Variants in LRRC75A observed in about 807,000 individuals in gnomAD.
The protein encoded by LRRC75A is leucine rich repeat containing 75A.
Under a neutral mutation model 26.0 loss-of-function variants are expected in LRRC75A, and 12 were observed. The observed-to-expected ratio is 0.46, with a 90% CI of 0.30 to 0.75. The LOEUF is 0.75. LRRC75A is among the 30% of genes least tolerant of loss of function. The pLI is 0.08. For synonymous variants in LRRC75A, 223 were observed against 219.3 expected, an observed-to-expected ratio of 1.02 and a Z score of -0.15; for missense variants, 410 against 486.6, an observed-to-expected ratio of 0.84 and a Z score of 1.48.
chr17:16,452,084 G>A (rs1601098794), intron 2 of LRRC75A, among the ~76,000 whole-genome samples: 1 of 150,732 alleles, frequency 6.6e-6, no homozygotes, highest in Non-Finnish European at 1.5e-5. Flanking sequence ...AGGTGCTGTG[G>A]CTCACTCTTG....
chr17:16,456,068 G>A (rs1322743464), intron 2 of LRRC75A, among the ~76,000 whole-genome samples: 4 of 146,134 alleles, frequency 2.7e-5, no homozygotes, highest in Non-Finnish European at 6.0e-5. Context: ...GGAGAAGGAG[G>A]AAGAGGAAGA....
In LRRC75A at chr17:16,468,353, C is replaced by T. The variant is rs528161588; in HGVS notation, c.247-5967G>A. Among the ~76,000 whole-genome samples, 8 of 152,262 alleles carry T rather than the reference C, an allele frequency of 5.3e-5. No homozygotes were observed. The East Asian group carries it at 5.8e-4, about 11-fold the overall frequency. ...GGGTACACGGAGTGTGGTCTAGCCA[C>T]GCAACGAAATATTATTCAGCCTTAA... On this transcript the variant is annotated intron_variant, in intron 1 of 3. Transcript: ENST00000470794.
chr17:16,460,011 G>C (rs748997403), intron 2 of LRRC75A, among the ~76,000 whole-genome samples: 1 of 152,314 alleles, frequency 6.6e-6, no homozygotes, highest in East Asian at 1.9e-4. Flanking sequence ...CAGAATTCAC[G>C]TGTTGAAACC....
At chr17:16,445,658 G>A (rs1306219813) in intron 3 of LRRC75A, among the ~76,000 whole-genome samples, 3 of 152,188 alleles carry the variant, frequency 2.0e-5, no homozygotes, top group Admixed American at 2.0e-4. Flanking sequence ...CTCTGACTGG[G>A]GTCCAGCCCC....
intron 2 of LRRC75A, among the ~76,000 whole-genome samples, chr17:16,455,440 G>A (rs1036667236): frequency 6.6e-6 from 1 of 150,518 alleles, no homozygotes; most frequent in Non-Finnish European, 1.5e-5. Flanking sequence ...GTGCAGTGGC[G>A]CAATCTCAGC....
intron 3 of LRRC75A, among the ~76,000 whole-genome samples, chr17:16,445,355 T>TG (rs1239632457): frequency 1.3e-5 from 2 of 151,590 alleles, no homozygotes; most frequent in Non-Finnish European, 2.9e-5. Context: ...TTAGTAGAGA[T>TG]GGGGTTTCAC....
rs887048420 is a variant in LRRC75A at position 16,443,567 on chromosome 17, G to A, written c.*21C>T. 7 of 1,493,812 alleles carry A rather than the reference G, an allele frequency of 4.7e-6. No individual in the cohort carries two copies. In the Admixed American group the frequency reaches 1.3e-4, roughly 27 times the overall value. The allele number at this position is 1,493,812 out of a possible 1,614,324, so 92.5% of individuals were successfully genotyped here. ...CATTCTACCCAACAAGGACTCCCTG[G>A]TGAGGCCCTTCACTTCCATGTCACG... On this transcript the variant is annotated 3_prime_UTR_variant, in exon 4 of 4. Transcript: ENST00000470794.
At chr17:16,490,360 CA>C (rs1353734544) in intron 1 of LRRC75A, among the ~76,000 whole-genome samples, 1 of 152,174 alleles carries the variant, frequency 6.6e-6, no homozygotes, top group African/African-American at 2.4e-5. Flanking sequence ...TTCCAATTTT[CA>C]AAAGACAAAG....
chr17:16,457,808 A>G (rs1007298322), intron 2 of LRRC75A, among the ~76,000 whole-genome samples: 2 of 7,150 alleles, frequency 2.8e-4, no homozygotes, highest in Admixed American at 6.8e-4. Context: ...CTCTACAAGA[A>G]AAAAAAAAAC....
chr17:16,461,740 T>C (rs1187408628), intron 2 of LRRC75A, among the ~76,000 whole-genome samples: 1 of 152,202 alleles, frequency 6.6e-6, no homozygotes, highest in Non-Finnish European at 1.5e-5. Context: ...TATGACACCT[T>C]TGTGCAAATA....
chr17:16,443,866 T>C lies in LRRC75A; in HGVS notation c.757A>G (p.Ile253Val), dbSNP rs147953370. The change falls in exon 4 of 4, where the codon ATC (isoleucine) becomes GTC (valine). Residue 253 changes from isoleucine (I) to valine (V), a missense_variant. Ile to Val is a conservative substitution (Grantham distance 29, BLOSUM62 3). Coordinates refer to ENST00000470794, the MANE Select transcript of LRRC75A (RefSeq NM_001113567.3). ...GGGAACTTGCTGGGATCCTTAAGGA[T>C]GTCAGTGAGGTCGCGCAGCACGGCC... The part of the protein sequence containing the change: ...TRAVLRDLTD[I>V]LKDPSKFPNV... 3.2e-5 allele frequency: 51 copies of C among 1,613,504 alleles called. No homozygotes were observed. Among genetic ancestry groups the C allele is most frequent in the Non-Finnish European group, 4.2e-5 (49 of 1,179,568 alleles).
At chr17:16,449,099 C>T (rs6502505) in intron 2 of LRRC75A, among the ~76,000 whole-genome samples, 58,130 of 151,306 alleles carry the variant, frequency 0.38, 11,473 homozygotes, top group African/African-American at 0.42. Context: ...TGGATGCAAG[C>T]GCTGAGGCTT....
At chr17:16,461,852 C>T (rs35034622) in intron 2 of LRRC75A, among the ~76,000 whole-genome samples, 29,445 of 152,062 alleles carry the variant, frequency 0.19, 3,527 homozygotes, top group Middle Eastern at 0.29. Context: ...CTCCCCCTAC[C>T]CCACTACCCC....
intron 2 of LRRC75A, among the ~76,000 whole-genome samples, chr17:16,459,284 C>T (rs2041287): frequency 0.36 from 53,987 of 151,898 alleles, 9,921 homozygotes; most frequent in Non-Finnish European, 0.38. Flanking sequence ...AACAGAGAAA[C>T]GAATGGAAAA....
intron 1 of LRRC75A, among the ~76,000 whole-genome samples, chr17:16,477,153 G>A (rs1029909360): frequency 3.2e-4 from 49 of 151,220 alleles, no homozygotes; most frequent in Admixed American, 1.8e-3. Context: ...CCGAAGTTCT[G>A]GGATTACAGG....
chr17:16,448,845 A>AGCC (rs1180806141), intron 2 of LRRC75A, among the ~76,000 whole-genome samples: 1 of 152,232 alleles, frequency 6.6e-6, no homozygotes, highest in African/African-American at 2.4e-5. Flanking sequence ...TTGGACTTCT[A>AGCC]GCCTTCAGAG....
At chr17:16,472,599 G>A (rs2093810035) in intron 1 of LRRC75A, among the ~76,000 whole-genome samples, 2 of 152,174 alleles carry the variant, frequency 1.3e-5, no homozygotes, top group Admixed American at 1.3e-4. Flanking sequence ...AGCAAAGTGA[G>A]TGCTAATGCG....
At chr17:16,456,405 A>AGAG (rs771086503) in intron 2 of LRRC75A, among the ~76,000 whole-genome samples, 15 of 129,240 alleles carry the variant, frequency 1.2e-4, no homozygotes, top group African/African-American at 4.1e-4. Flanking sequence ...AAAAGGAGGA[A>AGAG]GAGGAGGAGG....
intron 1 of LRRC75A, among the ~76,000 whole-genome samples, chr17:16,464,379 C>T (rs948743002): frequency 6.6e-6 from 1 of 152,202 alleles, no homozygotes; most frequent in Non-Finnish European, 1.5e-5. Flanking sequence ...CCTGCCCTGG[C>T]TTTTTCAATC....
Sources: gnomAD v4.1 joint callset for allele counts (sites outside exome capture counted in the v4.1 genomes callset) on GRCh38, gnomAD v4.1.1 for gene constraint, MANE v1.5 for transcripts, NCBI Gene and HGNC (gene_info 2026-07-23, HGNC 2026-07-21) for gene names.